NHERF1: variants seen among roughly 807,000 people sequenced by gnomAD.
The protein encoded by NHERF1 is Na(+)/H(+) exchange regulatory cofactor NHE-RF1.
At chr17:74,768,531 G>C in the NHERF1 span, 1 of 1,613,702 alleles carries the variant, frequency 6.2e-7, no homozygotes, top group Non-Finnish European at 8.5e-7. Context: ...CTCCTCCTCC[G>C]ACCCCATCCT....
the NHERF1 span, among the ~76,000 whole-genome samples, chr17:74,759,001 A>T: frequency 6.6e-6 from 1 of 152,112 alleles, no homozygotes; most frequent in African/African-American, 2.4e-5. Flanking sequence ...CCTCCTGGAG[A>T]CAGCTGGGAG....
At chr17:74,759,816 G>A in the NHERF1 span, among the ~76,000 whole-genome samples, 1 of 152,260 alleles carries the variant, frequency 6.6e-6, no homozygotes, top group Non-Finnish European at 1.5e-5. Context: ...AAGGAGGACA[G>A]GTTCCAAGTC....
the NHERF1 span, among the ~76,000 whole-genome samples, chr17:74,762,462 A>G: frequency 6.6e-6 from 1 of 152,140 alleles, no homozygotes; most frequent in South Asian, 2.1e-4. The surrounding 1 kb of genome is among the most constrained non-coding windows in gnomAD (Gnocchi z 4.2). Context: ...GATCAGGGAG[A>G]TGTCTGGGGC....
At chr17:74,752,787 A>G in the NHERF1 span, among the ~76,000 whole-genome samples, 1 of 152,188 alleles carries the variant, frequency 6.6e-6, no homozygotes, top group African/African-American at 2.4e-5. Context: ...TTATCGCTCT[A>G]AACACACAAT....
the NHERF1 span, chr17:74,763,331 C>G: frequency 3.1e-6 from 5 of 1,596,168 alleles, no homozygotes; most frequent in Non-Finnish European, 3.4e-6. Flanking sequence ...GAACCAAGGC[C>G]TGTGTCCGTA....
At chr17:74,756,273 C>CTTTTTTTTTTTTTTTTTTTTT in the NHERF1 span, among the ~76,000 whole-genome samples, 3 of 71,992 alleles carry the variant, frequency 4.2e-5, no homozygotes, top group Non-Finnish European at 7.4e-5. Context: ...TTCTTTCTTT[C>CTTTTTTTTTTTTTTTTTTTTT]TTTTTTTTTT....
the NHERF1 span, chr17:74,768,032 G>A: frequency 1.2e-6 from 1 of 808,610 alleles, no homozygotes; most frequent in South Asian, 1.3e-5. Flanking sequence ...GGTGGCCAGG[G>A]CATCAGTGCT....
chr17:74,756,588 T>G, the NHERF1 span, among the ~76,000 whole-genome samples: 1 of 152,156 alleles, frequency 6.6e-6, no homozygotes, highest in African/African-American at 2.4e-5. Context: ...CTATTTTTCC[T>G]TTTTCAAATG....
chr17:74,756,574 C>T, the NHERF1 span, among the ~76,000 whole-genome samples: 1 of 151,970 alleles, frequency 6.6e-6, no homozygotes, highest in Admixed American at 6.6e-5. Context: ...CCACTGCACC[C>T]GGCCTATTTT....
the NHERF1 span, among the ~76,000 whole-genome samples, chr17:74,750,070 G>A: frequency 2.6e-5 from 4 of 152,236 alleles, no homozygotes; most frequent in African/African-American, 4.8e-5. Context: ...TGGCCATGGG[G>A]AGGAGAGAGA....
chr17:74,749,105 C>A, the NHERF1 span: 1 of 1,582,260 alleles, frequency 6.3e-7, no homozygotes, highest in Non-Finnish European at 8.6e-7. This position sits in a 1 kb window ranked among gnomAD's most constrained non-coding sequence, Gnocchi z 5.6. Flanking sequence ...CAACGCCGTG[C>A]GCCTGCTGGT....
the NHERF1 span, chr17:74,749,251 T>C: frequency 6.5e-7 from 1 of 1,528,920 alleles, no homozygotes. The surrounding 1 kb of genome is among the most constrained non-coding windows in gnomAD (Gnocchi z 5.6). Flanking sequence ...GCAACGAAAA[T>C]GAGCCTCGCG....
At chr17:74,760,121 C>CG in the NHERF1 span, among the ~76,000 whole-genome samples, 5 of 152,256 alleles carry the variant, frequency 3.3e-5, no homozygotes, top group South Asian at 1.0e-3. This position sits in a 1 kb window ranked among gnomAD's most constrained non-coding sequence, Gnocchi z 4.5. Context: ...CTAGGCGGCC[C>CG]GGGGGAGGGC....
chr17:74,750,123 G>C, the NHERF1 span, among the ~76,000 whole-genome samples: 8 of 152,214 alleles, frequency 5.3e-5, no homozygotes, highest in African/African-American at 1.9e-4. Flanking sequence ...CGGAGCTCAC[G>C]GTGAGCCGGT....
the NHERF1 span, among the ~76,000 whole-genome samples, chr17:74,767,657 C>T: frequency 6.6e-6 from 1 of 152,074 alleles, no homozygotes; most frequent in Non-Finnish European, 1.5e-5. Context: ...ACTTTCCATC[C>T]ACCTTCTTCT....
At chr17:74,762,326 G>C in the NHERF1 span, among the ~76,000 whole-genome samples, 1 of 152,170 alleles carries the variant, frequency 6.6e-6, no homozygotes, top group African/African-American at 2.4e-5. This position sits in a 1 kb window ranked among gnomAD's most constrained non-coding sequence, Gnocchi z 4.2. Context: ...GAGGGAGGGA[G>C]GGAAGGGTGG....
At chr17:74,768,902 G>A in the NHERF1 span, 28 of 538,564 alleles carry the variant, frequency 5.2e-5, no homozygotes, top group Admixed American at 2.0e-4. Context: ...TCATCCTACC[G>A]GGTGTCCCTT....
chr17:74,748,954 C>T, the NHERF1 span: 1 of 1,606,318 alleles, frequency 6.2e-7, no homozygotes, highest in South Asian at 1.1e-5. The surrounding 1 kb of genome is among the most constrained non-coding windows in gnomAD (Gnocchi z 4.3). Flanking sequence ...GCAAGTTGGG[C>T]CAGTACATCC....
chr17:74,768,157 G>A, the NHERF1 span: 12 of 1,610,366 alleles, frequency 7.5e-6, no homozygotes, highest in East Asian at 2.2e-5. Flanking sequence ...GAGAACAGTC[G>A]TGAAGCCCTG....
Sources: gnomAD v4.1 joint callset for allele counts (sites outside exome capture counted in the v4.1 genomes callset) on GRCh38, gnomAD v4.1.1 for gene constraint, Gnocchi (gnomAD v3.1) non-coding constraint, MANE v1.5 for transcripts, NCBI Gene and HGNC (gene_info 2026-07-23, HGNC 2026-07-21) for gene names.